Variants in ATP6V1C2 observed in about 807,000 individuals in gnomAD.
The protein encoded by ATP6V1C2 is ATPase H+ transporting V1 subunit C2, also known as V-type proton ATPase subunit C 2.
ATP6V1C2 carries 45 observed loss-of-function variants against 56.8 expected under a neutral mutation model. The ratio of observed to expected loss-of-function variants is 0.79; its 90% confidence interval spans 0.62 to 1.02. ATP6V1C2 has a LOEUF of 1.02. ATP6V1C2 is among the 50% of genes least tolerant of loss of function. ATP6V1C2 has a pLI of 0.00. For missense variants in ATP6V1C2, 463 were observed against 519.7 expected, an observed-to-expected ratio of 0.89 and a Z score of 1.06; for synonymous variants, 220 against 201.3, an observed-to-expected ratio of 1.09 and a Z score of -0.79.
rs548218187 is a variant in ATP6V1C2, at chr2:10,784,399, G to A, written c.*1136G>A. The A allele has an allele frequency of 1.5e-5, 17 of 1,160,276 alleles. No individual in the cohort carries two copies. The highest frequency in any genetic ancestry group is 2.1e-5 in the Non-Finnish European group (17 of 795,910). The allele number at this position is 1,160,276 out of a possible 1,614,324, so 71.9% of individuals were successfully genotyped here. The stretch of plus-strand genomic sequence containing the variant: ...CTGGAAGGTCAACATCTCATTTTAT[G>A]GAAGAGCGACTCTCTGGAGCTACTC... On this transcript the variant is annotated 3_prime_UTR_variant, in exon 14 of 14. Coordinates refer to ENST00000272238, the MANE Select transcript of ATP6V1C2 (RefSeq NM_001039362.2).
At chr2:10,738,865 G>A (rs975324725) in intron 3 of ATP6V1C2, among the ~76,000 whole-genome samples, 1 of 152,150 alleles carries the variant, frequency 6.6e-6, no homozygotes, top group East Asian at 1.9e-4. Flanking sequence ...CACAGGAGAC[G>A]CCAGTAAGGA....
chr2:10,736,824 A>C (rs1295893915), intron 3 of ATP6V1C2, among the ~76,000 whole-genome samples: 1 of 127,374 alleles, frequency 7.9e-6, no homozygotes, highest in African/African-American at 2.9e-5. Context: ...TTTTTTTCTG[A>C]CAAGCTCGAA....
intron 4 of ATP6V1C2, among the ~76,000 whole-genome samples, chr2:10,756,740 A>AGAAG (rs1663572661): frequency 6.6e-6 from 1 of 152,198 alleles, no homozygotes; most frequent in East Asian, 1.9e-4. Context: ...AAAGAAAGAA[A>AGAAG]TATTTAGATA....
At chr2:10,778,768 C>T (rs977398056) in intron 12 of ATP6V1C2, 99 bp downstream of exon 12, 52 of 1,120,294 alleles carry the variant, frequency 4.6e-5, no homozygotes, top group Middle Eastern at 2.1e-4. Context: ...CTCCATCCTC[C>T]ACCCGTCTCC....
At chr2:10,749,771 G>A (rs1663110067) in intron 3 of ATP6V1C2, among the ~76,000 whole-genome samples, 1 of 152,038 alleles carries the variant, frequency 6.6e-6, no homozygotes, top group Non-Finnish European at 1.5e-5. Context: ...TCAGTTTTCT[G>A]ATCCAGGCAA....
At chr2:10,736,868 T>C (rs1357263835) in intron 3 of ATP6V1C2, among the ~76,000 whole-genome samples, 2 of 148,830 alleles carry the variant, frequency 1.3e-5, no homozygotes, top group East Asian at 4.0e-4. Context: ...TGCCTCAGAC[T>C]CTTGAGTAGC....
chr2:10,771,766 G>T (rs1430387742), intron 6 of ATP6V1C2, 73 bp from the exon 7 acceptor site: 2 of 1,199,102 alleles, frequency 1.7e-6, no homozygotes, highest in East Asian at 4.7e-5. Flanking sequence ...GTGCCCGGGT[G>T]TGGGTGTGTG....
At chr2:10,757,512 G>C in intron 4 of ATP6V1C2, 1 of 398,550 alleles carries the variant, frequency 2.5e-6, no homozygotes, top group Middle Eastern at 6.3e-4. Context: ...GCATGTCCCG[G>C]GAAGGTGGAA....
At position 10,784,872 on chromosome 2, in the gene ATP6V1C2, G is replaced by A; in HGVS notation, c.*1609G>A. ...AGGACTTGACTCCAGGTGCAGAGAT[G>A]CACAGGCTCAAGAGAGTAAACCAGG... On this transcript the variant is annotated 3_prime_UTR_variant, in exon 14 of 14. Coordinates refer to ENST00000272238, the MANE Select transcript of ATP6V1C2 (RefSeq NM_001039362.2). 3 of 1,222,040 alleles carry A rather than the reference G, an allele frequency of 2.5e-6. No homozygotes were observed. The highest frequency in any genetic ancestry group is 3.5e-6 in the Non-Finnish European group (3 of 846,774). The allele number at this position is 1,222,040 out of a possible 1,614,324, so 75.7% of individuals were successfully genotyped here. A position where few individuals can be genotyped will look rare whatever the true frequency, so the allele number is the denominator to read the frequency against.
chr2:10,727,761 TG>T (rs1661728418), intron 3 of ATP6V1C2, among the ~76,000 whole-genome samples: 1 of 146,920 alleles, frequency 6.8e-6, no homozygotes, highest in African/African-American at 2.6e-5. Context: ...TAGCTGGGTG[TG>T]GTGGCGGGTG....
At chr2:10,738,914 A>G (rs1276986142) in intron 3 of ATP6V1C2, among the ~76,000 whole-genome samples, 2 of 152,160 alleles carry the variant, frequency 1.3e-5, no homozygotes, top group East Asian at 1.9e-4. Flanking sequence ...TCTGTCCCGT[A>G]TCCACCCACT....
chr2:10,774,999 C>T lies in ATP6V1C2; in HGVS notation c.753C>T (p.Tyr251=). ...TAAGGTTCACTGTTCGTGAATTTTA[C>T]TATGATGAGAAGGAAATTGAAAGGG... The part of the protein sequence containing the change: ...KENKFTVREF[Y]YDEKEIERER... The change falls in exon 10 of 14, where the codon TAC becomes TAT. Residue 251 remains tyrosine, a synonymous_variant. Transcript: ENST00000272238. 6.2e-7 allele frequency: 1 copy of T among 1,614,092 alleles called. No homozygotes were observed. The highest frequency in any genetic ancestry group is 8.5e-7 in the Non-Finnish European group (1 of 1,179,990).
At chr2:10,760,961 G>A (rs1402333431) in intron 4 of ATP6V1C2, among the ~76,000 whole-genome samples, 5 of 152,200 alleles carry the variant, frequency 3.3e-5, no homozygotes, top group Non-Finnish European at 7.3e-5. Context: ...GTTTGAGCAT[G>A]TTTATGGAGC....
At chr2:10,750,496 A>T in intron 3 of ATP6V1C2, among the ~76,000 whole-genome samples, 1 of 150,622 alleles carries the variant, frequency 6.6e-6, no homozygotes. Flanking sequence ...AGCCTGGGCG[A>T]CAGGGTGAGA....
intron 3 of ATP6V1C2, among the ~76,000 whole-genome samples, chr2:10,745,633 G>A (rs886848453): frequency 1.3e-5 from 2 of 151,950 alleles, no homozygotes; most frequent in African/African-American, 4.8e-5. Flanking sequence ...GAGCCACCAC[G>A]CCCGGCCAAC....
At position 10,780,870 on chromosome 2, in the gene ATP6V1C2, T is replaced by C. The variant is rs1320396804; in HGVS notation, c.1062-1373T>C. On this transcript the variant is annotated intron_variant, in intron 12 of 13. Transcript: ENST00000272238. This position sits in a 1 kb window ranked among gnomAD's most constrained non-coding sequence, Gnocchi z 4.1. ...GCAATTCTCCTGCCTCAGCCTCCCC[T>C]AGTAGCTGGGATTACAGGCGTGCAC... 6.6e-6 allele frequency among the ~76,000 whole-genome samples: 1 copy of C among 151,532 alleles called. No homozygotes were observed. The highest frequency in any genetic ancestry group is 6.6e-5 in the Admixed American group (1 of 15,214).
intron 3 of ATP6V1C2, among the ~76,000 whole-genome samples, chr2:10,746,166 A>G (rs28765100): frequency 0.033 from 4,980 of 151,386 alleles, 240 homozygotes; most frequent in African/African-American, 0.11. Flanking sequence ...CACCCGGCTA[A>G]TTTTTGTATT....
Position 10,751,435 on chromosome 2 carries a change from A to C in ATP6V1C2, c.198-2546A>C, listed in dbSNP as rs946591426. Among the ~76,000 whole-genome samples the C allele has an allele frequency of 1.7e-4, 26 of 152,210 alleles. 1 individual carries two copies. Among genetic ancestry groups the C allele is most frequent in the Admixed American group, 4.6e-4 (7 of 15,276 alleles). ...CCATTTTACAGCTGAAAACTGTAAAAATGTAAAAACATTTTACAGACAAAA... is the reference window on the plus strand; with the variant it reads ...CCATTTTACAGCTGAAAACTGTAAACATGTAAAAACATTTTACAGACAAAA... On this transcript the variant is annotated intron_variant, in intron 3 of 13. Coordinates refer to ENST00000272238, the MANE Select transcript of ATP6V1C2 (RefSeq NM_001039362.2).
intron 4 of ATP6V1C2, among the ~76,000 whole-genome samples, chr2:10,761,586 A>G (rs914807280): frequency 3.3e-5 from 5 of 152,078 alleles, no homozygotes; most frequent in Non-Finnish European, 5.9e-5. Context: ...ACAAAATACC[A>G]CTGACTGGGC....
Sources: allele counts gnomAD v4.1 joint callset (sites outside exome capture counted in the v4.1 genomes callset), GRCh38; gene constraint gnomAD v4.1.1; non-coding constraint Gnocchi (gnomAD v3.1); transcripts MANE v1.5; gene names NCBI Gene and HGNC (gene_info 2026-07-23, HGNC 2026-07-21).